Variants in SLIT1 observed in about 807,000 individuals in gnomAD.
SLIT1 encodes the protein slit guidance ligand 1.
A neutral mutation model predicts 186.1 loss-of-function variants in SLIT1; 66 were observed. That is an observed-to-expected ratio of 0.35 (90% CI 0.29 to 0.44). SLIT1 has a LOEUF of 0.44. Among genes scored for constraint, SLIT1 ranks in the 20% least tolerant of loss-of-function variants. The pLI is 1.00. For synonymous variants in SLIT1, 761 were observed against 833.8 expected (o/e 0.91, Z 1.50); for missense variants, 1,638 against 2,037.4 (o/e 0.80, Z 3.77).
At chr10:97,074,852 G>A (rs1185133899) in intron 4 of SLIT1, among the ~76,000 whole-genome samples, 3 of 152,248 alleles carry the variant, frequency 2.0e-5, no homozygotes, top group African/African-American at 7.2e-5. Flanking sequence ...AGGGCTGGAG[G>A]AGGCAGGGGT....
intron 1 of SLIT1, among the ~76,000 whole-genome samples, chr10:97,170,405 G>A (rs1850172136): frequency 6.6e-6 from 1 of 152,188 alleles, no homozygotes; most frequent in Non-Finnish European, 1.5e-5. Context: ...ATTACCTGCT[G>A]CAATTATCTT....
At chr10:97,101,343 G>A (rs1849351659) in intron 4 of SLIT1, 1 of 152,196 alleles carries the variant, frequency 6.6e-6, no homozygotes, top group Non-Finnish European at 1.5e-5. Flanking sequence ...GCAGAAGGCT[G>A]TACTTACCTC....
intron 4 of SLIT1, among the ~76,000 whole-genome samples, chr10:97,143,140 A>C (rs1849782707): frequency 6.6e-6 from 1 of 152,236 alleles, no homozygotes; most frequent in Admixed American, 6.5e-5. Context: ...GTGTATATCC[A>C]AAAGAATTGA....
intron 4 of SLIT1, among the ~76,000 whole-genome samples, chr10:97,106,210 A>C (rs1849412055): frequency 6.6e-6 from 1 of 152,124 alleles, no homozygotes; most frequent in Non-Finnish European, 1.5e-5. Context: ...ATCCCATCAA[A>C]GCCATTATGA....
Position 97,002,312 on chromosome 10 carries a change from C to G in SLIT1, c.4212G>C (p.Gln1404His). The part of the protein sequence containing the change: ...LDALSYSCQC[Q>H]DGYSGALCNQ... ...TGCACAGTGCCCCCGAGTACCCATCCTGGCACTGGCAGCTGTAGGAAAGAG... is the reference window on the plus strand; with the variant it reads ...TGCACAGTGCCCCCGAGTACCCATCGTGGCACTGGCAGCTGTAGGAAAGAG... Residue 1404 changes from glutamine to histidine, a missense_variant, in exon 36 of 37, where the codon CAG (glutamine) becomes CAC (histidine). Transcript: ENST00000266058. The G allele has an allele frequency of 6.2e-7, 1 of 1,611,826 alleles. No homozygotes were observed. Among genetic ancestry groups the G allele is most frequent in the Non-Finnish European group, 8.5e-7 (1 of 1,179,528 alleles).
intron 1 of SLIT1, among the ~76,000 whole-genome samples, chr10:97,176,354 CCT>C (rs1449526766): frequency 6.6e-6 from 1 of 152,162 alleles, no homozygotes; most frequent in Non-Finnish European, 1.5e-5. Flanking sequence ...CTCCCTCTCA[CCT>C]CTCTCTGCCT....
chr10:97,003,034 G>T, intron 34 of SLIT1, 42 bp from the exon 35 acceptor site: 1 of 1,569,476 alleles, frequency 6.4e-7, no homozygotes, highest in South Asian at 1.2e-5. Context: ...AGTAAAGCTC[G>T]GGCTATGCCG....
At chr10:97,155,041 A>G (rs1443750234) in intron 4 of SLIT1, 10 of 152,244 alleles carry the variant, frequency 6.6e-5, no homozygotes, top group Admixed American at 3.9e-4. Context: ...CAAGATATCA[A>G]GCACAGGAGC....
At chr10:97,108,334 CTCT>C (rs1409446011) in intron 4 of SLIT1, among the ~76,000 whole-genome samples, 1 of 152,186 alleles carries the variant, frequency 6.6e-6, no homozygotes, top group Non-Finnish European at 1.5e-5. Flanking sequence ...CAGTTTCCTC[CTCT>C]GTGAAAAAAG....
chr10:97,106,408 G>A (rs1318583427), intron 4 of SLIT1, among the ~76,000 whole-genome samples: 1 of 146,038 alleles, frequency 6.8e-6, no homozygotes, highest in Non-Finnish European at 1.5e-5. Flanking sequence ...ATGAATGAAC[G>A]AATGAATGAA....
intron 32 of SLIT1, among the ~76,000 whole-genome samples, chr10:97,005,485 C>G (rs1485995789): frequency 6.6e-6 from 1 of 152,250 alleles, no homozygotes; most frequent in Non-Finnish European, 1.5e-5. Flanking sequence ...TCCAGTCACA[C>G]TGCCCCATCT....
intron 13 of SLIT1, 76 bp from the exon 14 acceptor site, chr10:97,049,194 C>G: frequency 1.3e-6 from 2 of 1,521,386 alleles, no homozygotes; most frequent in Non-Finnish European, 1.8e-6. Context: ...GACAGGGCCT[C>G]GTTGTGGCTG....
chr10:97,051,414 A>G (rs943127759), intron 13 of SLIT1, among the ~76,000 whole-genome samples: 1 of 152,216 alleles, frequency 6.6e-6, no homozygotes, highest in African/African-American at 2.4e-5. Flanking sequence ...CCTTCATAAT[A>G]CACCACTGGT....
At chr10:97,031,117 G>A (rs545189871) in intron 24 of SLIT1, among the ~76,000 whole-genome samples, 2 of 152,198 alleles carry the variant, frequency 1.3e-5, no homozygotes, top group South Asian at 4.1e-4. Context: ...GGACCCTAAG[G>A]GGGGAGGCGC....
intron 4 of SLIT1, among the ~76,000 whole-genome samples, chr10:97,081,949 T>C (rs1373855289): frequency 6.6e-6 from 1 of 152,176 alleles, no homozygotes; most frequent in Non-Finnish European, 1.5e-5. Context: ...TCTACTCAGC[T>C]CTTCTTTCTC....
chr10:97,119,943 A>ATATATATATATATATG (rs1298104412), intron 4 of SLIT1, among the ~76,000 whole-genome samples: 2 of 135,424 alleles, frequency 1.5e-5, no homozygotes, highest in African/African-American at 2.7e-5. Context: ...ATATATATAT[A>ATATATATATATATATG]TATGTATATG....
In SLIT1 at chr10:97,064,366, G is replaced by A. The variant is rs1287503533; in HGVS notation, c.558-127C>T. 3.9e-6 allele frequency: 3 copies of A among 764,536 alleles called. No individual in the cohort carries two copies. The South Asian group carries it at 4.6e-5, about 12-fold the overall frequency. 47.4% of individuals were successfully genotyped at this position (764,536 alleles called of 1,614,324 possible). Reference sequence around the variant, plus strand: ...GACCAGCACGGGGCTGGACATGGAGGAGCTAAGCCGAAGAGCATGAGGCAT... The same window carrying A: ...GACCAGCACGGGGCTGGACATGGAGAAGCTAAGCCGAAGAGCATGAGGCAT... On this transcript the variant is annotated intron_variant, in intron 6 of 36. Coordinates refer to ENST00000266058, the MANE Select transcript of SLIT1 (RefSeq NM_003061.3).
At chr10:97,059,364 C>T (rs1261340709) in intron 11 of SLIT1, 96 bp downstream of exon 11, 13 of 1,002,590 alleles carry the variant, frequency 1.3e-5, no homozygotes, top group Non-Finnish European at 1.9e-5. Flanking sequence ...GGGCATAGCC[C>T]TGCTCCTCCT....
At chr10:97,169,037 G>A (rs545640040) in intron 1 of SLIT1, among the ~76,000 whole-genome samples, 5 of 152,094 alleles carry the variant, frequency 3.3e-5, no homozygotes, top group East Asian at 1.9e-4. Flanking sequence ...GTGCAGGTGC[G>A]GAGGTGCATT....
Sources: gnomAD v4.1 joint callset for allele counts (sites outside exome capture counted in the v4.1 genomes callset) on GRCh38, gnomAD v4.1.1 for gene constraint, MANE v1.5 for transcripts, NCBI Gene and HGNC (gene_info 2026-07-23, HGNC 2026-07-21) for gene names.